Variants in RANBP17 observed in about 807,000 individuals in gnomAD.
RANBP17 encodes ran-binding protein 17.
RANBP17 carries 158 observed loss-of-function variants against 141.2 expected under a neutral mutation model. The observed-to-expected ratio is 1.12, with a 90% CI of 0.98 to 1.28. RANBP17 has a LOEUF of 1.28. Among genes scored for constraint, RANBP17 ranks in the 50% most tolerant of loss-of-function variants. The pLI is 0.00. For synonymous variants in RANBP17, 430 were observed against 450.0 expected, an observed-to-expected ratio of 0.96 and a Z score of 0.56; for missense variants, 1,438 against 1,290.7, an observed-to-expected ratio of 1.11 and a Z score of -1.75.
chr5:170,870,627 G>A (rs1356098278), intron 1 of RANBP17, among the ~76,000 whole-genome samples: 3 of 152,120 alleles, frequency 2.0e-5, no homozygotes, highest in Non-Finnish European at 4.4e-5. Flanking sequence ...CCATCAATGG[G>A]CATTTGGGTT....
At chr5:171,169,666 AT>A (rs1427792553) in intron 14 of RANBP17, among the ~76,000 whole-genome samples, 1 of 144,786 alleles carries the variant, frequency 6.9e-6, no homozygotes, top group Non-Finnish European at 1.5e-5. Context: ...ACTTCCTTTG[AT>A]TTTTTTAAAT....
At chr5:170,955,684 A>T (rs1430119795) in intron 13 of RANBP17, among the ~76,000 whole-genome samples, 1 of 118,440 alleles carries the variant, frequency 8.4e-6, no homozygotes, top group Non-Finnish European at 1.7e-5. Context: ...ATATATATAC[A>T]CTGAATGAAC....
chr5:170,996,621 C>A (rs1189039838), intron 14 of RANBP17, among the ~76,000 whole-genome samples: 2 of 152,248 alleles, frequency 1.3e-5, no homozygotes, highest in Middle Eastern at 3.4e-3. Context: ...AAAGCACTTG[C>A]CGTAGGTGTA....
chr5:170,984,952 G>A (rs1778023710), intron 14 of RANBP17, among the ~76,000 whole-genome samples: 1 of 151,922 alleles, frequency 6.6e-6, no homozygotes, highest in Admixed American at 6.6e-5. Flanking sequence ...ATAAGGAAGA[G>A]TCCTTTTAAA....
chr5:171,190,718 ATCT>A (rs746909124), intron 18 of RANBP17, among the ~76,000 whole-genome samples: 5 of 152,224 alleles, frequency 3.3e-5, no homozygotes, highest in Non-Finnish European at 7.3e-5. Flanking sequence ...ATAAATAAAA[ATCT>A]TCTATTTTGT....
rs200291830 is a variant in RANBP17 at position 170,892,449 on chromosome 5, C to G, written c.319C>G (p.Leu107Val). ...PKLAPFVIQA[L>V]IQVIAKITKL... ...GCTGGCTCCCTTTGTCATCCAAGCT[C>G]TTATTCAAGTCATTGCTAAAATCAC... The change falls in exon 4 of 28, where the codon CTT (leucine) becomes GTT (valine). Residue 107 changes from leucine to valine, a missense_variant. Transcript: ENST00000523189. 9 of 1,614,048 alleles carry G rather than the reference C, an allele frequency of 5.6e-6. No homozygotes were observed. Among genetic ancestry groups the G allele is most frequent in the Admixed American group, 3.3e-5 (2 of 60,006 alleles).
chr5:170,961,571 T>G (rs188288808), intron 13 of RANBP17, among the ~76,000 whole-genome samples: 4 of 152,282 alleles, frequency 2.6e-5, no homozygotes, highest in African/African-American at 7.2e-5. Context: ...AGTTTGAGCA[T>G]CAACATGAAT....
At chr5:170,942,345 A>G (rs1489542868) in intron 12 of RANBP17, among the ~76,000 whole-genome samples, 1 of 152,176 alleles carries the variant, frequency 6.6e-6, no homozygotes, top group Non-Finnish European at 1.5e-5. Context: ...ATAATGTCAA[A>G]AAGTGGAAAC....
intron 14 of RANBP17, among the ~76,000 whole-genome samples, chr5:171,113,710 G>A (rs1755410970): frequency 6.6e-6 from 1 of 152,180 alleles, no homozygotes; most frequent in South Asian, 2.1e-4. Context: ...TCTAGAATGT[G>A]TGATTTTAAC....
chr5:171,197,012 C>T (rs1461259301), intron 18 of RANBP17, among the ~76,000 whole-genome samples: 1 of 152,110 alleles, frequency 6.6e-6, no homozygotes, highest in Non-Finnish European at 1.5e-5. Context: ...CATTACATGC[C>T]TGCAGTGGTA....
At chr5:171,023,326 G>A (rs1331080194) in intron 14 of RANBP17, among the ~76,000 whole-genome samples, 2 of 152,040 alleles carry the variant, frequency 1.3e-5, no homozygotes, top group Non-Finnish European at 2.9e-5. Context: ...TCTGTCCTTT[G>A]TACTATTGTT....
chr5:171,005,822 G>A (rs1224125288), intron 14 of RANBP17, among the ~76,000 whole-genome samples: 4 of 151,936 alleles, frequency 2.6e-5, no homozygotes, highest in African/African-American at 9.6e-5. Flanking sequence ...ACAGAATGGG[G>A]GAAAATTTTT....
chr5:170,916,612 C>A, intron 9 of RANBP17, 28 bp downstream of exon 9: 1 of 1,407,872 alleles, frequency 7.1e-7, no homozygotes, highest in Non-Finnish European at 9.6e-7. Context: ...TAATACTTAG[C>A]ATATAGAGAT....
At chr5:171,187,303 A>G (rs1478767541) in intron 18 of RANBP17, among the ~76,000 whole-genome samples, 1 of 152,206 alleles carries the variant, frequency 6.6e-6, no homozygotes, top group African/African-American at 2.4e-5. Flanking sequence ...CATAACAGAT[A>G]TAATAATAAT....
intron 14 of RANBP17, among the ~76,000 whole-genome samples, chr5:171,167,742 G>T (rs1759803251): frequency 6.6e-6 from 1 of 152,104 alleles, no homozygotes; most frequent in African/African-American, 2.4e-5. Flanking sequence ...ACACAGTAGG[G>T]TGTCTGATCC....
In RANBP17 at chr5:170,961,971, G is replaced by A. The variant is rs1776183745; in HGVS notation, c.1575-6271G>A. 2.0e-5 allele frequency among the ~76,000 whole-genome samples: 3 copies of A among 152,194 alleles called. No individual in the cohort carries two copies. The South Asian group carries it at 6.2e-4, about 32-fold the overall frequency. On this transcript the variant is annotated intron_variant, in intron 13 of 27. Coordinates refer to ENST00000523189, the MANE Select transcript of RANBP17 (RefSeq NM_022897.5). The stretch of plus-strand genomic sequence containing the variant: ...CAGCTAGGTATGGCAAAGTGATTAT[G>A]TTCTTAGTGTAAATGAACGTGTTAT...
At chr5:171,055,845 C>G (rs538500493) in intron 14 of RANBP17, among the ~76,000 whole-genome samples, 1 of 89,754 alleles carries the variant, frequency 1.1e-5, no homozygotes, top group South Asian at 3.5e-4. Flanking sequence ...AAAGCCTTGG[C>G]AAAACAACCA....
chr5:171,169,980 C>A, intron 14 of RANBP17, 150 bp from the exon 15 acceptor site: 1 of 407,500 alleles, frequency 2.5e-6, no homozygotes, highest in Non-Finnish European at 4.4e-6. Flanking sequence ...TTATAAGATT[C>A]TTTTTAAAAA....
chr5:170,972,444 T>C (rs1777058487), intron 14 of RANBP17, among the ~76,000 whole-genome samples: 1 of 152,070 alleles, frequency 6.6e-6, no homozygotes, highest in Non-Finnish European at 1.5e-5. Flanking sequence ...TTAGCCTCCC[T>C]GAGTGTTGCA....
Sources: allele counts gnomAD v4.1 joint callset (sites outside exome capture counted in the v4.1 genomes callset), GRCh38; gene constraint gnomAD v4.1.1; transcripts MANE v1.5; gene names NCBI Gene and HGNC (gene_info 2026-07-23, HGNC 2026-07-21).